ESR2: variants seen among roughly 807,000 people sequenced by gnomAD.
ESR2 encodes estrogen receptor beta.
Under a neutral mutation model 49.6 loss-of-function variants are expected in ESR2, and 36 were observed. That is an observed-to-expected ratio of 0.73 (90% CI 0.56 to 0.96). The LOEUF is 0.96. Among genes scored for constraint, ESR2 ranks in the 40% least tolerant of loss-of-function variants. The pLI, the probability that ESR2 is intolerant of heterozygous loss-of-function variation, is 0.00. For synonymous variants in ESR2, 320 were observed against 266.1 expected (o/e 1.20, Z -1.97); for missense variants, 714 against 693.0 (o/e 1.03, Z -0.34).
rs1279823981 is a variant in ESR2 at position 64,230,503 on chromosome 14, C to CGG, written c.*2633_*2634insCC. On this transcript the variant is annotated 3_prime_UTR_variant, in exon 9 of 9. Transcript: ENST00000341099. ...AGGGGGAGTATTCCAGACCAAGACT[C>CGG]GCACTGTACAGCTCCTGCCGATTTT... Among the ~76,000 whole-genome samples the CGG allele has an allele frequency of 1.3e-5, 2 of 152,222 alleles. No homozygotes were observed. The highest frequency in any genetic ancestry group is 4.8e-5 in the African/African-American group (2 of 41,510).
At chr14:64,240,325 G>A (rs971941905) in intron 7 of ESR2, among the ~76,000 whole-genome samples, 5 of 152,170 alleles carry the variant, frequency 3.3e-5, no homozygotes, top group African/African-American at 7.2e-5. Flanking sequence ...TGCAGCGCTT[G>A]GAAACTCTGC....
At chr14:64,325,911 T>C (rs907135630) in intron 1 of ESR2, among the ~76,000 whole-genome samples, 2 of 152,290 alleles carry the variant, frequency 1.3e-5, no homozygotes, top group Admixed American at 6.5e-5. Flanking sequence ...TTTATATTAC[T>C]GGTAAGTCTT....
chr14:64,257,208 C>T lies in ESR2; in HGVS notation c.1091+18G>A, dbSNP rs780117932. 1 of 1,613,274 alleles carries T rather than the reference C, an allele frequency of 6.2e-7. No homozygotes were observed. Among genetic ancestry groups the T allele is most frequent in the Non-Finnish European group, 8.5e-7 (1 of 1,179,320 alleles). On this transcript the variant is annotated intron_variant, in intron 6 of 8. Transcript: ENST00000341099. The stretch of plus-strand genomic sequence containing the variant: ...ACTCAAACAAGTCAGAGAAGAAACA[C>T]AATGTATTTTTTCTCACCTGTCCAG...
At chr14:64,314,699 G>A (rs1452182682) in intron 1 of ESR2, among the ~76,000 whole-genome samples, 2 of 150,018 alleles carry the variant, frequency 1.3e-5, no homozygotes, top group Non-Finnish European at 3.0e-5. Flanking sequence ...CCAACATGGC[G>A]AAACTCCATC....
intron 1 of ESR2, among the ~76,000 whole-genome samples, chr14:64,316,457 T>C (rs946271601): frequency 1.3e-5 from 2 of 152,172 alleles, no homozygotes; most frequent in African/African-American, 4.8e-5. Flanking sequence ...TACTTCTAAA[T>C]TCATTTTATG....
intron 3 of ESR2, among the ~76,000 whole-genome samples, chr14:64,275,093 T>C (rs1000510633): frequency 3.9e-5 from 6 of 152,240 alleles, no homozygotes; most frequent in Admixed American, 2.6e-4. Context: ...AAATATTCTG[T>C]AAATATCTAT....
chr14:64,310,102 G>C (rs1952671169), intron 1 of ESR2, among the ~76,000 whole-genome samples: 1 of 150,204 alleles, frequency 6.7e-6, no homozygotes, highest in Admixed American at 6.6e-5. Flanking sequence ...AAGAAAGCTC[G>C]TCTCTACTAA....
intron 1 of ESR2, among the ~76,000 whole-genome samples, chr14:64,326,359 G>A (rs1207379159): frequency 6.6e-6 from 1 of 152,130 alleles, no homozygotes; most frequent in East Asian, 1.9e-4. Context: ...AGGGGTCACA[G>A]TAGATGATCG....
intron 3 of ESR2, among the ~76,000 whole-genome samples, chr14:64,275,478 T>TGA (rs2076540423): frequency 6.6e-6 from 1 of 152,100 alleles, no homozygotes; most frequent in South Asian, 2.1e-4. Flanking sequence ...TGAGGTGGGC[T>TGA]GATCTCCTGA....
intron 1 of ESR2, among the ~76,000 whole-genome samples, chr14:64,283,696 A>C (rs1405733965): frequency 4.3e-5 from 6 of 139,950 alleles, no homozygotes; most frequent in South Asian, 2.5e-4. Context: ...TGTAGTGAGC[A>C]GAGATTGTGC....
At chr14:64,304,874 TCAAA>T (rs1024219644) in intron 1 of ESR2, among the ~76,000 whole-genome samples, 10 of 151,704 alleles carry the variant, frequency 6.6e-5, no homozygotes, top group African/African-American at 1.5e-4. Flanking sequence ...AGACATTCTG[TCAAA>T]CAAACAAACA....
At chr14:64,293,666 G>C (rs1419523409) in intron 1 of ESR2, among the ~76,000 whole-genome samples, 2 of 152,198 alleles carry the variant, frequency 1.3e-5, no homozygotes, top group African/African-American at 4.8e-5. Context: ...TCTTGCCTGA[G>C]ACGTGTACAT....
intron 6 of ESR2, among the ~76,000 whole-genome samples, chr14:64,255,440 G>A (rs894914976): frequency 6.6e-6 from 1 of 152,142 alleles, no homozygotes; most frequent in African/African-American, 2.4e-5. Context: ...TCTGCAGTGT[G>A]TTACAAGTAA....
intron 1 of ESR2, among the ~76,000 whole-genome samples, chr14:64,324,976 A>G (rs1400622481): frequency 1.3e-5 from 2 of 152,230 alleles, no homozygotes; most frequent in Non-Finnish European, 2.9e-5. Context: ...TTGAAACCTG[A>G]TAGCCATATT....
At chr14:64,272,521 T>C (rs1434393458) in intron 3 of ESR2, among the ~76,000 whole-genome samples, 1 of 152,234 alleles carries the variant, frequency 6.6e-6, no homozygotes, top group Non-Finnish European at 1.5e-5. Context: ...AGTAGTTTCA[T>C]AGTTTGAGGC....
chr14:64,311,860 C>A (rs1201112475), intron 1 of ESR2, among the ~76,000 whole-genome samples: 1 of 151,880 alleles, frequency 6.6e-6, no homozygotes, highest in Admixed American at 6.6e-5. Context: ...TAATGAAGTT[C>A]TCCAAACAGA....
rs2076714770 is a variant in ESR2, at chr14:64,283,072, A to G, written c.-87T>C. 1 of 1,378,914 alleles carries G rather than the reference A, an allele frequency of 7.3e-7. No homozygotes were observed. The highest frequency in any genetic ancestry group is 9.8e-7 in the Non-Finnish European group (1 of 1,015,548). The allele number at this position is 1,378,914 out of a possible 1,614,324, so 85.4% of individuals were successfully genotyped here. A position where few individuals can be genotyped will look rare whatever the true frequency, so the allele number is the denominator to read the frequency against. ...TCTCAAAGATTCGTGGGCAAGTATA[A>G]TGGCTGTAAAGAAACACAGAAGATA... is the stretch of plus-strand genomic sequence containing the variant. On this transcript the variant is annotated 5_prime_UTR_variant, in exon 2 of 9. Coordinates refer to ENST00000341099, the MANE Select transcript of ESR2 (RefSeq NM_001437.3).
chr14:64,329,616 A>G (rs1020640791), intron 1 of ESR2: 1 of 89,288 alleles, frequency 1.1e-5, no homozygotes, highest in African/African-American at 9.6e-5. Context: ...CTCTATCAAA[A>G]AAAAAGAAAG....
At chr14:64,312,393 C>T (rs1224945961) in intron 1 of ESR2, among the ~76,000 whole-genome samples, 1 of 152,000 alleles carries the variant, frequency 6.6e-6, no homozygotes, top group Non-Finnish European at 1.5e-5. Flanking sequence ...TCTAGATACA[C>T]CAGTTAGGCC....
Sources: gnomAD v4.1 joint callset for allele counts (sites outside exome capture counted in the v4.1 genomes callset) on GRCh38, gnomAD v4.1.1 for gene constraint, MANE v1.5 for transcripts, NCBI Gene and HGNC (gene_info 2026-07-23, HGNC 2026-07-21) for gene names.